The following FLRT1 variants were observed in gnomAD, a reference collection of about 807,000 sequenced individuals.
The protein encoded by FLRT1 is leucine-rich repeat transmembrane protein FLRT1.
A neutral mutation model predicts 30.9 loss-of-function variants in FLRT1; 14 were observed. The observed-to-expected ratio is 0.45, with a 90% confidence interval of 0.30 to 0.71. The LOEUF (loss-of-function observed/expected upper bound fraction) is 0.71, where lower values mean the gene tolerates loss of function less well. FLRT1 is among the 30% of genes least tolerant of loss of function. The pLI is 0.08. For missense variants in FLRT1, 737 were observed against 949.2 expected (o/e 0.78, Z 2.94); for synonymous variants, 368 against 430.4 (o/e 0.85, Z 1.80).
chr11:64,050,421 G>T (rs1490950843), intron 1 of FLRT1, among the ~76,000 whole-genome samples: 1 of 152,238 alleles, frequency 6.6e-6, no homozygotes, highest in African/African-American at 2.4e-5. Flanking sequence ...CCAGCCCTCA[G>T]TGTGACAGTG....
rs954462347 is a variant in FLRT1, at chr11:64,067,706, C to T, written c.-1038+31547C>T. Among the ~76,000 whole-genome samples the T allele has an allele frequency of 3.9e-5, 6 of 152,188 alleles. No homozygotes were observed. Among genetic ancestry groups the T allele is most frequent in the Admixed American group, 6.5e-5 (1 of 15,288 alleles). ...GGAGCTGCCCTGCCTGCAGTGATTGCGGACACGCCCCTCGCGAGGCACCGC... is the reference window on the plus strand; with the variant it reads ...GGAGCTGCCCTGCCTGCAGTGATTGTGGACACGCCCCTCGCGAGGCACCGC... On this transcript the variant is annotated intron_variant, in intron 1 of 2. Transcript: ENST00000682287. This position sits in a 1 kb window ranked among gnomAD's most constrained non-coding sequence, Gnocchi z 4.6.
At chr11:64,100,667 G>A (rs559678284) in intron 1 of FLRT1, among the ~76,000 whole-genome samples, 4 of 152,274 alleles carry the variant, frequency 2.6e-5, no homozygotes, top group South Asian at 2.1e-4. Context: ...ATCATTATGC[G>A]CCCACACAAG....
intron 1 of FLRT1, among the ~76,000 whole-genome samples, chr11:64,042,581 GC>G (rs1943508660): frequency 1.3e-5 from 2 of 152,112 alleles, no homozygotes; most frequent in South Asian, 4.1e-4. Flanking sequence ...CCAATGGGGG[GC>G]TGGCCTGGTG....
At position 64,117,487 on chromosome 11, in the gene FLRT1, G is replaced by A; in HGVS notation, c.1220G>A (p.Gly407Asp). The A allele has an allele frequency of 6.2e-7, 1 of 1,612,232 alleles. No homozygotes were observed. The highest frequency in any genetic ancestry group is 8.5e-7 in the Non-Finnish European group (1 of 1,178,726). ...CACGCCTCTGCCACCACGCCCCAGG[G>A]TTCCCTGTTTACCCTCAAGGCCAAA... ...SNHASATTPQ[G>D]SLFTLKAKRP... is the part of the protein sequence containing the mutation. The change falls in exon 3 of 3, where the codon GGT (glycine) becomes GAT (aspartate). Residue 407 changes from glycine to aspartate, a missense_variant. Gly to Asp is a moderately conservative substitution (Grantham distance 94). Transcript: ENST00000682287.
intron 2 of FLRT1, among the ~76,000 whole-genome samples, chr11:64,112,377 G>T (rs1390090400): frequency 6.6e-6 from 1 of 152,104 alleles, no homozygotes; most frequent in African/African-American, 2.4e-5. Context: ...AGCTGGGCAT[G>T]GTGGTGCACA....
intron 1 of FLRT1, chr11:64,081,600 CAGGG>C (rs1944304749): frequency 6.6e-6 from 1 of 150,394 alleles, no homozygotes; most frequent in Non-Finnish European, 1.5e-5. Context: ...AGGCCAAAGA[CAGGG>C]AGCAAGGTGA....
chr11:64,039,233 C>T (rs1176846975), intron 1 of FLRT1, among the ~76,000 whole-genome samples: 3 of 151,726 alleles, frequency 2.0e-5, no homozygotes, highest in South Asian at 2.1e-4. Context: ...CGTGGGTGGA[C>T]AAGAAGGGGC....
rs1945045934 is a variant in FLRT1, at chr11:64,118,850, T to C, written c.*558T>C. On this transcript the variant is annotated 3_prime_UTR_variant, in exon 3 of 3. Transcript: ENST00000682287. Reference sequence around the variant, plus strand: ...GTCCTGAAATCTCTCCCCTGGCTTATTCCATACCATTTCCCTTGCAGATTT... The same window carrying C: ...GTCCTGAAATCTCTCCCCTGGCTTACTCCATACCATTTCCCTTGCAGATTT... The C allele has an allele frequency of 6.0e-6, 1 of 167,282 alleles. No individual in the cohort carries two copies. Among genetic ancestry groups the C allele is most frequent in the Admixed American group, 6.5e-5 (1 of 15,290 alleles). The allele number at this position is 167,282 out of a possible 1,614,324, so 10.4% of individuals were successfully genotyped here.
At chr11:64,077,239 C>T (rs1944218614) in intron 1 of FLRT1, among the ~76,000 whole-genome samples, 1 of 152,204 alleles carries the variant, frequency 6.6e-6, no homozygotes, top group African/African-American at 2.4e-5. Context: ...GCCACAGGGA[C>T]CCAGTGATTC....
chr11:64,105,422 G>A (rs555146853), intron 2 of FLRT1, among the ~76,000 whole-genome samples: 44 of 152,328 alleles, frequency 2.9e-4, no homozygotes, highest in African/African-American at 9.9e-4. Context: ...ACCTGGGTTG[G>A]GGCCTGGCCC....
chr11:64,044,546 A>G (rs929233374), intron 1 of FLRT1, among the ~76,000 whole-genome samples: 3 of 152,180 alleles, frequency 2.0e-5, no homozygotes, highest in African/African-American at 4.8e-5. Flanking sequence ...CTCTCCCAGC[A>G]ACTTCTGAAG....
At chr11:64,106,782 C>T (rs912445998) in intron 2 of FLRT1, among the ~76,000 whole-genome samples, 6 of 152,272 alleles carry the variant, frequency 3.9e-5, no homozygotes, top group Non-Finnish European at 7.3e-5. Context: ...GTCCCCAGCC[C>T]TGCTGGTGCT....
At chr11:64,056,008 T>C (rs928963087) in intron 1 of FLRT1, among the ~76,000 whole-genome samples, 2 of 152,158 alleles carry the variant, frequency 1.3e-5, no homozygotes, top group African/African-American at 4.8e-5. Flanking sequence ...GCCTCAGGCC[T>C]CCTGTCCACA....
chr11:64,089,636 G>C (rs1292723086), intron 1 of FLRT1, among the ~76,000 whole-genome samples: 2 of 152,244 alleles, frequency 1.3e-5, no homozygotes, highest in Non-Finnish European at 2.9e-5. Flanking sequence ...CCCAGTCCCA[G>C]CCTGGCCCCA....
chr11:64,102,322 G>A (rs1314788488), intron 1 of FLRT1, among the ~76,000 whole-genome samples: 1 of 152,140 alleles, frequency 6.6e-6, no homozygotes, highest in Non-Finnish European at 1.5e-5. Flanking sequence ...CCTGCCCTCC[G>A]TCTGTGTGGA....
At chr11:64,062,772 G>A (rs1662644900) in intron 1 of FLRT1, among the ~76,000 whole-genome samples, 1 of 152,136 alleles carries the variant, frequency 6.6e-6, no homozygotes, top group African/African-American at 2.4e-5. Context: ...AACCAGGCCG[G>A]GCAGGTCTGG....
chr11:64,061,873 CTTTTTTTTTTTT>C, intron 1 of FLRT1, among the ~76,000 whole-genome samples: 1 of 99,118 alleles, frequency 1.0e-5, no homozygotes, highest in East Asian at 3.0e-4. Context: ...ACCACGCTGG[CTTTTTTTTTTTT>C]TTTTTTTTTT....
At chr11:64,060,252 A>G (rs1943873852) in intron 1 of FLRT1, among the ~76,000 whole-genome samples, 1 of 152,236 alleles carries the variant, frequency 6.6e-6, no homozygotes. Context: ...GCGGGCGCCC[A>G]GGAGGCCCCA....
At chr11:64,088,445 G>A (rs907042113) in intron 1 of FLRT1, among the ~76,000 whole-genome samples, 74 of 152,312 alleles carry the variant, frequency 4.9e-4, no homozygotes, top group African/African-American at 1.4e-3. Context: ...CTGCAGGTGC[G>A]GCTGTGGGCC....
Sources: gnomAD v4.1 joint callset for allele counts (sites outside exome capture counted in the v4.1 genomes callset) on GRCh38, gnomAD v4.1.1 for gene constraint, Gnocchi (gnomAD v3.1) non-coding constraint, MANE v1.5 for transcripts, NCBI Gene and HGNC (gene_info 2026-07-23, HGNC 2026-07-21) for gene names.